The following BANP variants were observed in gnomAD, a reference collection of about 807,000 sequenced individuals.
BANP encodes protein BANP.
In BANP, 11 loss-of-function variants were observed where a neutral mutation model predicts 68.1. The ratio of observed to expected loss-of-function variants is 0.16; its 90% confidence interval spans 0.10 to 0.27. The LOEUF (loss-of-function observed/expected upper bound fraction) is 0.27. BANP is among the 10% of genes least tolerant of loss of function. The pLI is 1.00. For missense variants in BANP, 504 were observed against 722.7 expected (o/e 0.70, Z 3.47); for synonymous variants, 329 against 303.2 (o/e 1.09, Z -0.88).
chr16:88,075,314 C>T (rs750736280), intron 13 of BANP, among the ~76,000 whole-genome samples: 8 of 152,148 alleles, frequency 5.3e-5, no homozygotes, highest in Non-Finnish European at 1.2e-4. Context: ...CCACTGTGCT[C>T]CAGCCTAGGT....
At position 88,076,326 on chromosome 16, in the gene BANP, C is replaced by CCGGTGA. The variant is rs1473063189; in HGVS notation, c.1522-260_1522-255dup. Among the ~76,000 whole-genome samples the CCGGTGA allele has an allele frequency of 4.3e-5, 6 of 141,028 alleles. No homozygotes were observed. The East Asian group carries it at 1.5e-3, about 34-fold the overall frequency. 92.5% of individuals were successfully genotyped at this position (141,028 alleles called of 152,430 possible). On this transcript the variant is annotated intron_variant, in intron 13 of 13. Transcript: ENST00000682872. ...GGCAGGAGCAGCTGCTGCGCCGGCC[C>CCGGTGA]CGGTGACGGAGTCCATGTCGGGGGC... is the stretch of plus-strand genomic sequence containing the variant.
At chr16:88,069,781 GAA>G (rs1481999396) in intron 12 of BANP, among the ~76,000 whole-genome samples, 1 of 152,200 alleles carries the variant, frequency 6.6e-6, no homozygotes. Flanking sequence ...TTGTTCCTTG[GAA>G]AAGACTACAG....
rs2059364324 is a variant in BANP, at chr16:87,962,468, C to T, written c.-69+10953C>T. The stretch of plus-strand genomic sequence containing the variant: ...CTGTACAGGTGCAAGCTCTTCAGGA[C>T]CCTCAGTAGCTTTAGAATGGTGAAG... On this transcript the variant is annotated intron_variant, in intron 1 of 13. Coordinates refer to ENST00000682872, the MANE Select transcript of BANP (RefSeq NM_001386991.1). 3.9e-5 allele frequency among the ~76,000 whole-genome samples: 6 copies of T among 152,002 alleles called. No homozygotes were observed. In the South Asian group the frequency reaches 1.2e-3, roughly 31 times the overall value.
At chr16:88,056,304 G>C (rs1445073715) in intron 11 of BANP, among the ~76,000 whole-genome samples, 1 of 152,238 alleles carries the variant, frequency 6.6e-6, no homozygotes, top group African/African-American at 2.4e-5. Context: ...GTGATGACTA[G>C]TCAGTAAAAT....
At chr16:88,049,370 G>A (rs1423185267) in intron 11 of BANP, among the ~76,000 whole-genome samples, 1 of 152,220 alleles carries the variant, frequency 6.6e-6, no homozygotes, top group African/African-American at 2.4e-5. Flanking sequence ...GAGGTACGGG[G>A]GAAGGGGCAC....
chr16:88,042,775 G>A (rs552525597), intron 11 of BANP, among the ~76,000 whole-genome samples: 9 of 151,788 alleles, frequency 5.9e-5, no homozygotes, highest in East Asian at 3.9e-4. Context: ...AATTAGCCAC[G>A]TCTGGTGGTA....
At chr16:88,009,186 T>A (rs1350033532) in intron 6 of BANP, among the ~76,000 whole-genome samples, 4 of 152,238 alleles carry the variant, frequency 2.6e-5, no homozygotes, top group Non-Finnish European at 4.4e-5. Flanking sequence ...GGGGCCAGCA[T>A]CTTCCTGCCT....
intron 1 of BANP, among the ~76,000 whole-genome samples, chr16:87,955,544 G>A (rs975183506): frequency 6.6e-6 from 1 of 152,136 alleles, no homozygotes; most frequent in Non-Finnish European, 1.5e-5. Context: ...TTCGAACTTC[G>A]GTTTTGCACC....
chr16:88,019,230 C>T (rs2075306653), intron 7 of BANP, among the ~76,000 whole-genome samples: 1 of 152,158 alleles, frequency 6.6e-6, no homozygotes, highest in South Asian at 2.1e-4. Context: ...CTCCAGGTGG[C>T]GATTGCGGTA....
Position 88,003,710 on chromosome 16 carries a change from G to A in BANP, c.363-585G>A, listed in dbSNP as rs2070114855. ...CTTTTCCTTCAAAGCAGAACCCTGA[G>A]CCCTTTGGTTGTAGCTCACACATGT... On this transcript the variant is annotated intron_variant, in intron 4 of 13. Transcript: ENST00000682872. The surrounding 1 kb of genome is among the most constrained non-coding windows in gnomAD (Gnocchi z 6.1). 1 of 345,282 alleles carries A rather than the reference G, an allele frequency of 2.9e-6. No homozygotes were observed. The highest frequency in any genetic ancestry group is 2.2e-5 in the African/African-American group (1 of 46,386). 21.4% of individuals were successfully genotyped at this position (345,282 alleles called of 1,614,324 possible). A position where few individuals can be genotyped will look rare whatever the true frequency, so the allele number is the denominator to read the frequency against.
At chr16:88,056,029 G>T (rs2084914081) in intron 11 of BANP, among the ~76,000 whole-genome samples, 2 of 152,170 alleles carry the variant, frequency 1.3e-5, no homozygotes, top group South Asian at 4.1e-4. Flanking sequence ...CTGCCTTGCT[G>T]GGGGGCTCAG....
chr16:87,963,065 A>T (rs1037481811), intron 1 of BANP, among the ~76,000 whole-genome samples: 1 of 152,146 alleles, frequency 6.6e-6, no homozygotes, highest in African/African-American at 2.4e-5. Context: ...ACTTAGTCTC[A>T]TCTTTAAGTG....
At position 88,006,103 on chromosome 16, in the gene BANP, C is replaced by T. The variant is rs757868342; in HGVS notation, c.493C>T (p.Arg165Cys). The T allele has an allele frequency of 2.0e-5, 33 of 1,613,686 alleles. No individual in the cohort carries two copies. Among genetic ancestry groups the T allele is most frequent in the Non-Finnish European group, 2.5e-5 (30 of 1,179,876 alleles). Residue 165 changes from arginine to cysteine, a missense_variant, in exon 6 of 14, where the codon CGT (arginine) becomes TGT (cysteine). Transcript: ENST00000682872. ...ENVISNAVPG[R>C]RQNTIVVKVP... ...TTTCCCGTTTAGCGCTGTGCCTGGG[C>T]GTCGGCAGAACACCATTGTGGTGAA...
At chr16:88,037,671 G>C (rs903015940) in intron 10 of BANP, 3 of 407,304 alleles carry the variant, frequency 7.4e-6, no homozygotes, top group Non-Finnish European at 1.4e-5. Context: ...TACTTTTTGT[G>C]AGTCAGATTC....
intron 2 of BANP, among the ~76,000 whole-genome samples, chr16:87,977,990 C>T (rs1015714405): frequency 6.6e-6 from 1 of 152,194 alleles, no homozygotes; most frequent in African/African-American, 2.4e-5. Flanking sequence ...TGCCCGCCAC[C>T]ATGCCCGGCT....
In BANP at chr16:88,028,025, A is replaced by T. The variant is rs60500025; in HGVS notation, c.1063+375A>T. On this transcript the variant is annotated intron_variant, in intron 8 of 13. Transcript: ENST00000682872. ...TGGGGTGGATTCTGAATTATGCTTTATTTTTGCTTTGAGTTCATGGCCTTA... is the reference window on the plus strand; with the variant it reads ...TGGGGTGGATTCTGAATTATGCTTTTTTTTTGCTTTGAGTTCATGGCCTTA... Among the ~76,000 whole-genome samples the T allele has an allele frequency of 7.0e-4, 106 of 152,262 alleles. 2 individuals carry two copies. The East Asian group carries it at 0.014, about 21-fold the overall frequency.
intron 1 of BANP, among the ~76,000 whole-genome samples, chr16:87,972,259 G>C (rs1445680506): frequency 6.6e-6 from 1 of 151,674 alleles, no homozygotes; most frequent in African/African-American, 2.4e-5. Context: ...TTGTTCTAAG[G>C]TTCTTCTAGT....
Position 87,981,093 on chromosome 16 carries a change from G to C in BANP, c.128G>C (p.Arg43Pro). ...GACGAACCTGCTTTGAAACGCCAGC[G>C]ACTAGAAATCAATTGCCAGGATCCA... ...DEDEPALKRQ[R>P]LEINCQDPSI... Residue 43 changes from arginine (R) to proline (P), a missense_variant, in exon 3 of 14, where the codon CGA (arginine) becomes CCA (proline). Around this residue, in one of 3 missense-constraint regions of BANP, gnomAD observed 238 missense variants for 278.9 expected, o/e 0.85. Transcript: ENST00000682872. 1 of 1,614,040 alleles carries C rather than the reference G, an allele frequency of 6.2e-7. No homozygotes were observed.
At chr16:88,001,953 A>G (rs2069518330) in intron 4 of BANP, among the ~76,000 whole-genome samples, 1 of 152,078 alleles carries the variant, frequency 6.6e-6, no homozygotes, top group Admixed American at 6.5e-5. Context: ...AACCTTCTGG[A>G]TTGAAGGTTC....
Sources: gnomAD v4.1 joint callset for allele counts (sites outside exome capture counted in the v4.1 genomes callset) on GRCh38, gnomAD v4.1.1 for gene constraint, gnomAD v4.1.1 regional missense constraint, Gnocchi (gnomAD v3.1) non-coding constraint, MANE v1.5 for transcripts, NCBI Gene and HGNC (gene_info 2026-07-23, HGNC 2026-07-21) for gene names.